The following STPG2 variants were observed in gnomAD, a reference collection of about 807,000 sequenced individuals.
The protein encoded by STPG2 is sperm-tail PG-rich repeat-containing protein 2.
In STPG2, 56 loss-of-function variants were observed where a neutral mutation model predicts 54.2. The ratio of observed to expected loss-of-function variants is 1.03; its 90% CI spans 0.83 to 1.29. The LOEUF (loss-of-function observed/expected upper bound fraction) is 1.29. Among genes scored for constraint, STPG2 ranks in the 50% most tolerant of loss-of-function variants. STPG2 has a pLI of 0.00. For synonymous variants in STPG2, 200 were observed against 181.8 expected (o/e 1.10, Z -0.81); for missense variants, 596 against 544.9 (o/e 1.09, Z -0.93).
intron 4 of STPG2, among the ~76,000 whole-genome samples, chr4:97,468,273 G>C (rs1729836959): frequency 6.6e-6 from 1 of 151,936 alleles, no homozygotes; most frequent in African/African-American, 2.4e-5. Flanking sequence ...AGCAATGATT[G>C]AAAGTTATTT....
At chr4:97,561,261 G>A (rs1373997266) in intron 10 of STPG2, among the ~76,000 whole-genome samples, 1 of 152,104 alleles carries the variant, frequency 6.6e-6, no homozygotes, top group African/African-American at 2.4e-5. Context: ...TTTGAGAAGT[G>A]TCTGTTCATG....
At chr4:97,692,290 C>T (rs1331998148) in intron 10 of STPG2, among the ~76,000 whole-genome samples, 1 of 76,276 alleles carries the variant, frequency 1.3e-5, no homozygotes, top group Non-Finnish European at 2.6e-5. Context: ...AAAGATGATA[C>T]AGGATATGAA....
At chr4:98,086,379 A>T (rs1015358856) in intron 5 of STPG2, among the ~76,000 whole-genome samples, 3 of 152,162 alleles carry the variant, frequency 2.0e-5, no homozygotes, top group Non-Finnish European at 4.4e-5. Flanking sequence ...ATGACTTTAA[A>T]TAAAAAAGAG....
chr4:97,733,430 A>G (rs1432466019), intron 9 of STPG2, among the ~76,000 whole-genome samples: 1 of 152,004 alleles, frequency 6.6e-6, no homozygotes, highest in Non-Finnish European at 1.5e-5. Context: ...GCACTTTAGA[A>G]TGTAGAAGGG....
At chr4:97,969,410 A>G (rs1336847092) in intron 7 of STPG2, among the ~76,000 whole-genome samples, 1 of 152,128 alleles carries the variant, frequency 6.6e-6, no homozygotes, top group African/African-American at 2.4e-5. Context: ...ATCTCTCACT[A>G]ACCTACCCCT....
intron 10 of STPG2, among the ~76,000 whole-genome samples, chr4:97,637,215 C>T (rs1378254731): frequency 6.6e-6 from 1 of 152,106 alleles, no homozygotes. Flanking sequence ...TGTAATCCAG[C>T]ATATAAACAG....
chr4:97,778,416 T>A (rs2149068527), intron 9 of STPG2, among the ~76,000 whole-genome samples: 1 of 151,856 alleles, frequency 6.6e-6, no homozygotes, highest in South Asian at 2.1e-4. Context: ...GAGGCTTGAG[T>A]AGGTAAACAG....
At chr4:97,487,505 GA>G (rs1248971968) in intron 4 of STPG2, among the ~76,000 whole-genome samples, 1 of 151,338 alleles carries the variant, frequency 6.6e-6, no homozygotes, top group Non-Finnish European at 1.5e-5. Context: ...ACTGCTATTA[GA>G]AAAAATATAT....
intron 4 of STPG2, among the ~76,000 whole-genome samples, chr4:97,442,506 G>T (rs1457165490): frequency 6.6e-6 from 1 of 152,080 alleles, no homozygotes; most frequent in Non-Finnish European, 1.5e-5. Context: ...AATTCTGAAT[G>T]CAACTCTGGT....
At chr4:97,948,618 A>G (rs567262069) in intron 7 of STPG2, among the ~76,000 whole-genome samples, 6 of 152,140 alleles carry the variant, frequency 3.9e-5, no homozygotes, top group African/African-American at 1.4e-4. Context: ...TCATGTCACT[A>G]TTATTCATTT....
chr4:97,476,364 A>T (rs1035615429), intron 4 of STPG2, among the ~76,000 whole-genome samples: 4 of 152,108 alleles, frequency 2.6e-5, no homozygotes, highest in East Asian at 1.9e-4. Context: ...AACTTAAAAA[A>T]TTTTTCTATA....
At chr4:97,442,681 G>T (rs1729120325) in intron 4 of STPG2, among the ~76,000 whole-genome samples, 1 of 152,096 alleles carries the variant, frequency 6.6e-6, no homozygotes, top group African/African-American at 2.4e-5. Flanking sequence ...AAGTGAGCAT[G>T]CCTGGAATAC....
chr4:98,104,860 A>C (rs759163077), intron 5 of STPG2, among the ~76,000 whole-genome samples: 1 of 152,174 alleles, frequency 6.6e-6, no homozygotes, highest in Non-Finnish European at 1.5e-5. Context: ...AGCTTTTTAG[A>C]ACATTCACAT....
chr4:97,835,464 A>G (rs1728602632), intron 9 of STPG2, among the ~76,000 whole-genome samples: 1 of 152,128 alleles, frequency 6.6e-6, no homozygotes, highest in Non-Finnish European at 1.5e-5. Flanking sequence ...TTATTTTCTT[A>G]ATAAACTTGC....
At chr4:97,451,721 T>C (rs944302520) in intron 4 of STPG2, among the ~76,000 whole-genome samples, 2 of 152,180 alleles carry the variant, frequency 1.3e-5, no homozygotes, top group Admixed American at 6.5e-5. Context: ...TCCAGATGTA[T>C]ATAAATTATG....
intron 9 of STPG2, among the ~76,000 whole-genome samples, chr4:97,782,567 C>A (rs188245073): frequency 8.0e-5 from 12 of 150,830 alleles, no homozygotes; most frequent in Admixed American, 5.3e-4. Context: ...TCACAGAATT[C>A]AAAAAAAACT....
intron 10 of STPG2, among the ~76,000 whole-genome samples, chr4:97,650,918 G>A (rs542805896): frequency 2.4e-4 from 36 of 151,986 alleles, no homozygotes; most frequent in African/African-American, 8.0e-4. Context: ...AGTAAGTCAC[G>A]ATATATAGGG....
At chr4:97,685,390 C>G (rs1276156230) in intron 10 of STPG2, among the ~76,000 whole-genome samples, 1 of 151,912 alleles carries the variant, frequency 6.6e-6, no homozygotes, top group South Asian at 2.1e-4. Context: ...AAAATAAATG[C>G]GTTATCAAGC....
At chr4:97,539,173 A>G (rs1395183414) in intron 4 of STPG2, among the ~76,000 whole-genome samples, 4 of 152,230 alleles carry the variant, frequency 2.6e-5, no homozygotes, top group Non-Finnish European at 5.9e-5. Flanking sequence ...TAATGACAGG[A>G]TCAAATTCAC....
Sources: gnomAD v4.1 joint callset for allele counts (sites outside exome capture counted in the v4.1 genomes callset) on GRCh38, gnomAD v4.1.1 for gene constraint, MANE v1.5 for transcripts, NCBI Gene and HGNC (gene_info 2026-07-23, HGNC 2026-07-21) for gene names.